Variants in TMEM132D observed in about 807,000 individuals in gnomAD.
The protein encoded by TMEM132D is mature OL transmembrane protein.
In TMEM132D, 21 loss-of-function variants were observed where a neutral mutation model predicts 62.3. The observed-to-expected ratio is 0.34, with a 90% CI of 0.24 to 0.49. The LOEUF is 0.49. Among genes scored for constraint, TMEM132D ranks in the 20% least tolerant of loss-of-function variants. The pLI, the probability that TMEM132D is intolerant of heterozygous loss-of-function variation, is 0.99. For missense variants in TMEM132D, 1,346 were observed against 1,402.8 expected (o/e 0.96, Z 0.65); for synonymous variants, 621 against 575.6 (o/e 1.08, Z -1.13).
intron 2 of TMEM132D, among the ~76,000 whole-genome samples, chr12:129,666,191 G>A (rs935368745): frequency 6.6e-6 from 1 of 152,142 alleles, no homozygotes; most frequent in African/African-American, 2.4e-5. Context: ...CCCCAGAAAT[G>A]CATGCTTTCT....
intron 1 of TMEM132D, among the ~76,000 whole-genome samples, chr12:129,792,378 A>C (rs1871424303): frequency 6.6e-6 from 1 of 152,154 alleles, no homozygotes; most frequent in Admixed American, 6.5e-5. Context: ...ATCAATGTGT[A>C]TGTACCCGGT....
chr12:129,397,786 C>A (rs1280987831), intron 3 of TMEM132D, among the ~76,000 whole-genome samples: 1 of 152,156 alleles, frequency 6.6e-6, no homozygotes, highest in African/African-American at 2.4e-5. Flanking sequence ...ACAGTAGTAT[C>A]CAGTTTTGAG....
rs770935655 is a variant in TMEM132D, at chr12:129,903,394, G to A, written c.-55C>T. 53 of 1,535,970 alleles carry A rather than the reference G, an allele frequency of 3.5e-5. No homozygotes were observed. Among genetic ancestry groups the A allele is most frequent in the Middle Eastern group, 1.7e-4 (1 of 5,756 alleles). On this transcript the variant is annotated 5_prime_UTR_variant, in exon 1 of 9. Coordinates refer to ENST00000422113, the MANE Select transcript of TMEM132D (RefSeq NM_133448.3). This position sits in a 1 kb window ranked among gnomAD's most constrained non-coding sequence, Gnocchi z 6.2. ...TCCCCGGCGCCGTCCAGGCGAACAA[G>A]AGACCGTCTCAGTCCCCTAGAGGCC...
At chr12:129,166,850 G>A (rs900301503) in intron 5 of TMEM132D, among the ~76,000 whole-genome samples, 1 of 150,986 alleles carries the variant, frequency 6.6e-6, no homozygotes, top group African/African-American at 2.4e-5. Context: ...CATTTTCCTG[G>A]GCTAGCTCAG....
chr12:129,620,238 C>G (rs1018405951), intron 2 of TMEM132D, among the ~76,000 whole-genome samples: 3 of 152,196 alleles, frequency 2.0e-5, no homozygotes, highest in African/African-American at 7.2e-5. Flanking sequence ...CACTTCCCTG[C>G]TCTTGGGCTT....
In TMEM132D at chr12:129,816,685, T is replaced by C. The variant is rs183953816; in HGVS notation, c.79+86576A>G. 7.3e-3 allele frequency among the ~76,000 whole-genome samples: 1,104 copies of C among 152,228 alleles called. 12 individuals carry two copies. Among genetic ancestry groups the C allele is most frequent in the African/African-American group, 0.025 (1,054 of 41,530 alleles). On this transcript the variant is annotated intron_variant, in intron 1 of 8. Coordinates refer to ENST00000422113, the MANE Select transcript of TMEM132D (RefSeq NM_133448.3). ...TTTTGTAATCACAAGTCTTCCCGAG[T>C]CTTGGGGAAAAGGTTCATTTCTAAG... is the stretch of plus-strand genomic sequence containing the variant.
chr12:129,843,215 T>G (rs1873253476), intron 1 of TMEM132D, among the ~76,000 whole-genome samples: 2 of 152,164 alleles, frequency 1.3e-5, no homozygotes, highest in Admixed American at 1.3e-4. Context: ...CTGATCCACA[T>G]AAGACTGTTT....
intron 5 of TMEM132D, among the ~76,000 whole-genome samples, chr12:129,173,904 G>C (rs1268769874): frequency 6.6e-6 from 1 of 151,934 alleles, no homozygotes; most frequent in Non-Finnish European, 1.5e-5. Context: ...CCTTTTTCAG[G>C]GTTTTCAGAT....
At chr12:129,799,538 C>T (rs1396942615) in intron 1 of TMEM132D, among the ~76,000 whole-genome samples, 1 of 151,932 alleles carries the variant, frequency 6.6e-6, no homozygotes, top group African/African-American at 2.4e-5. Context: ...CCTGGAGCTG[C>T]AGGTTTTCCT....
At chr12:129,521,050 T>A (rs1875834635) in intron 3 of TMEM132D, among the ~76,000 whole-genome samples, 1 of 152,222 alleles carries the variant, frequency 6.6e-6, no homozygotes, top group Non-Finnish European at 1.5e-5. Flanking sequence ...AGATACTTTC[T>A]TATATTTACA....
At chr12:129,598,286 G>C (rs1878397034) in intron 2 of TMEM132D, among the ~76,000 whole-genome samples, 1 of 152,108 alleles carries the variant, frequency 6.6e-6, no homozygotes, top group African/African-American at 2.4e-5. Flanking sequence ...TAACTCAAGG[G>C]ACTTTCTTTA....
chr12:129,241,675 T>G (rs964106755), intron 4 of TMEM132D, among the ~76,000 whole-genome samples: 1 of 152,230 alleles, frequency 6.6e-6, no homozygotes, highest in Non-Finnish European at 1.5e-5. Flanking sequence ...CTCTCCTTCA[T>G]AGCACTTGTC....
chr12:129,380,138 T>TTAGATTCAA (rs1870895996), intron 3 of TMEM132D, among the ~76,000 whole-genome samples: 3 of 152,168 alleles, frequency 2.0e-5, no homozygotes, highest in Admixed American at 6.5e-5. Context: ...TGATGGCATT[T>TTAGATTCAA]TAGATTCAAT....
chr12:129,340,020 GTTTGT>G (rs1244189396), intron 3 of TMEM132D, among the ~76,000 whole-genome samples: 10 of 152,096 alleles, frequency 6.6e-5, no homozygotes, highest in Non-Finnish European at 4.4e-5. Flanking sequence ...TGTTTTTAGA[GTTTGT>G]TTTATCAGGA....
intron 5 of TMEM132D, among the ~76,000 whole-genome samples, chr12:129,130,492 G>A (rs1048516056): frequency 1.3e-5 from 2 of 152,140 alleles, no homozygotes; most frequent in Admixed American, 6.5e-5. Flanking sequence ...ACCACCGTCC[G>A]CGGTCTGCTG....
chr12:129,626,998 G>A (rs1414003131), intron 2 of TMEM132D, among the ~76,000 whole-genome samples: 2 of 152,140 alleles, frequency 1.3e-5, no homozygotes, highest in South Asian at 2.1e-4. Context: ...AAAGGAGGAC[G>A]ATATGCAATG....
intron 1 of TMEM132D, among the ~76,000 whole-genome samples, chr12:129,735,789 G>T (rs1249318126): frequency 6.6e-6 from 1 of 152,178 alleles, no homozygotes; most frequent in Non-Finnish European, 1.5e-5. Context: ...GGTGAGGGGA[G>T]GGTATCAAGG....
intron 4 of TMEM132D, among the ~76,000 whole-genome samples, chr12:129,280,548 C>T (rs1282490364): frequency 1.3e-5 from 2 of 152,124 alleles, no homozygotes; most frequent in African/African-American, 2.4e-5. Context: ...AAGTCAAAAG[C>T]ACCTTCCATA....
At chr12:129,334,569 C>A (rs1869214690) in intron 4 of TMEM132D, among the ~76,000 whole-genome samples, 1 of 152,146 alleles carries the variant, frequency 6.6e-6, no homozygotes, top group Non-Finnish European at 1.5e-5. Context: ...GAAAGGAAGC[C>A]ACTCAGAGCC....
Sources: allele counts gnomAD v4.1 joint callset (sites outside exome capture counted in the v4.1 genomes callset), GRCh38; gene constraint gnomAD v4.1.1; non-coding constraint Gnocchi (gnomAD v3.1); transcripts MANE v1.5; gene names NCBI Gene and HGNC (gene_info 2026-07-23, HGNC 2026-07-21).